The following FAAH2 variants were observed in gnomAD, a reference collection of about 807,000 sequenced individuals.
FAAH2 encodes the protein fatty acid amide hydrolase 2, also known as fatty-acid amide hydrolase 2.
Under a neutral mutation model 36.9 loss-of-function variants are expected in FAAH2, and 60 were observed. That is an observed-to-expected ratio of 1.63 (90% CI 1.32 to 2.02). FAAH2 has a LOEUF of 2.02. FAAH2 is among the 30% of genes most tolerant of loss of function. The probability of loss-of-function intolerance (pLI) is 0.00; values close to 1 mark genes in which losing one functional copy is unlikely to be tolerated. For missense variants in FAAH2, 689 were observed against 397.5 expected (o/e 1.73, Z -6.23); for synonymous variants, 214 against 143.8 (o/e 1.49, Z -3.49).
chrX:57,436,782 A>G (rs2056419875), intron 8 of FAAH2, among the ~76,000 whole-genome samples: 1 of 111,228 alleles, frequency 9.0e-6, no homozygotes, highest in African/African-American at 3.3e-5. Flanking sequence ...GGAATCTCAG[A>G]ACTAAATGGA....
At chrX:57,432,787 T>A (rs756041153) in intron 8 of FAAH2, among the ~76,000 whole-genome samples, 6 of 111,758 alleles carry the variant, frequency 5.4e-5, no homozygotes, top group African/African-American at 1.6e-4. Context: ...AAGTGCAGGC[T>A]ACCTCCTAGT....
At chrX:57,242,009 G>A in the FAAH2 span, among the ~76,000 whole-genome samples, 3 of 112,218 alleles carry the variant, frequency 2.7e-5, no homozygotes, top group Admixed American at 9.4e-5. Context: ...GGCTGTGGGC[G>A]CAGCTTCAGC....
the FAAH2 span, among the ~76,000 whole-genome samples, chrX:57,212,676 T>C: frequency 8.9e-6 from 1 of 112,551 alleles, no homozygotes; most frequent in Non-Finnish European, 1.9e-5. Context: ...AACGAATTTT[T>C]AAAGTATAAA....
intron 10 of FAAH2, among the ~76,000 whole-genome samples, chrX:57,460,509 A>G (rs1174372910): frequency 1.8e-5 from 2 of 111,562 alleles, no homozygotes; most frequent in Non-Finnish European, 3.8e-5. Context: ...GTATTCTCAA[A>G]GAAAAGAATT....
chrX:57,446,618 C>T (rs954146945), intron 8 of FAAH2, among the ~76,000 whole-genome samples: 2 of 111,792 alleles, frequency 1.8e-5, no homozygotes, highest in African/African-American at 6.5e-5. Context: ...CAAGAATCTA[C>T]TTTCTGTCTC....
the FAAH2 span, among the ~76,000 whole-genome samples, chrX:57,202,858 G>A: frequency 2.7e-5 from 3 of 111,866 alleles, no homozygotes; most frequent in Non-Finnish European, 3.8e-5. Context: ...AGAAGACACA[G>A]TTTTTGCCAC....
At chrX:57,138,420 TTA>T in the FAAH2 span, among the ~76,000 whole-genome samples, 868 of 107,727 alleles carry the variant, frequency 8.1e-3, 7 homozygotes, top group African/African-American at 0.024. Context: ...TAATATTTTA[TTA>T]TATATATATA....
the FAAH2 span, among the ~76,000 whole-genome samples, chrX:57,233,924 G>A: frequency 8.8e-6 from 1 of 113,158 alleles, no homozygotes; most frequent in Non-Finnish European, 1.9e-5. Context: ...GGGATTACAG[G>A]CATGAGCCAT....
chrX:57,416,041 A>T (rs2055833824), intron 7 of FAAH2, among the ~76,000 whole-genome samples: 1 of 110,761 alleles, frequency 9.0e-6, no homozygotes, highest in Admixed American at 9.7e-5. Flanking sequence ...AGAGAGTAGG[A>T]TTGCAACCCC....
chrX:57,166,002 A>G, the FAAH2 span, among the ~76,000 whole-genome samples: 49,040 of 109,865 alleles, frequency 0.45, 10,924 homozygotes, highest in African/African-American at 0.86. Flanking sequence ...GAACACAAAA[A>G]TGGAAGAACA....
the FAAH2 span, among the ~76,000 whole-genome samples, chrX:57,203,497 T>C: frequency 1.8e-5 from 2 of 111,953 alleles, no homozygotes; most frequent in African/African-American, 3.3e-5. Flanking sequence ...GAGGCCAGTT[T>C]ATGGCCAGAT....
upstream of FAAH2, among the ~76,000 whole-genome samples, chrX:57,286,456 T>C (rs2051810923): frequency 8.9e-6 from 1 of 111,780 alleles, no homozygotes. Flanking sequence ...TAGGAGTAGT[T>C]ATTCCCATTT....
At chrX:57,463,759 G>A (rs918242013) in intron 10 of FAAH2, among the ~76,000 whole-genome samples, 31 of 111,905 alleles carry the variant, frequency 2.8e-4, no homozygotes, top group African/African-American at 9.7e-4. Flanking sequence ...AACAACAGTT[G>A]CTGGTCAGGA....
At chrX:57,250,606 T>A in the FAAH2 span, among the ~76,000 whole-genome samples, 1 of 110,894 alleles carries the variant, frequency 9.0e-6, no homozygotes, top group Non-Finnish European at 1.9e-5. Context: ...TAAGACACCA[T>A]GTTATACACC....
intron 10 of FAAH2, among the ~76,000 whole-genome samples, chrX:57,487,842 T>C (rs573298382): frequency 2.7e-5 from 3 of 112,201 alleles, no homozygotes; most frequent in Admixed American, 1.9e-4. Context: ...TGTAATTATA[T>C]TGCTGATTTT....
the FAAH2 span, among the ~76,000 whole-genome samples, chrX:57,238,705 C>A: frequency 8.9e-6 from 1 of 111,871 alleles, no homozygotes; most frequent in Non-Finnish European, 1.9e-5. Flanking sequence ...GTTACCTGGG[C>A]AAATTGCACG....
chrX:57,366,081 T>C (rs1209357548), intron 5 of FAAH2, among the ~76,000 whole-genome samples: 1 of 112,136 alleles, frequency 8.9e-6, no homozygotes, highest in African/African-American at 3.2e-5. Context: ...GTGAGTTTGT[T>C]TGGAGGTAAG....
At chrX:57,123,437 A>G in the FAAH2 span, among the ~76,000 whole-genome samples, 3 of 111,999 alleles carry the variant, frequency 2.7e-5, no homozygotes, top group African/African-American at 9.8e-5. Context: ...AGTCTTTGCT[A>G]TTTTGAATAG....
chrX:57,244,414 C>T, the FAAH2 span, among the ~76,000 whole-genome samples: 5 of 110,776 alleles, frequency 4.5e-5, no homozygotes, highest in Admixed American at 4.8e-4. Flanking sequence ...ACATACTCCT[C>T]GAGAAGAGGA....
Sources: allele counts gnomAD v4.1 joint callset (sites outside exome capture counted in the v4.1 genomes callset), GRCh38; gene constraint gnomAD v4.1.1; transcripts MANE v1.5; gene names NCBI Gene and HGNC (gene_info 2026-07-23, HGNC 2026-07-21).